Variants in AMMECR1 observed in about 807,000 individuals in gnomAD.
The protein encoded by AMMECR1 is nuclear protein AMMECR1.
AMMECR1 carries 3 observed loss-of-function variants against 22.5 expected under a neutral mutation model. That is an observed-to-expected ratio of 0.13 (90% confidence interval 0.06 to 0.35). The LOEUF (loss-of-function observed/expected upper bound fraction) is 0.35, where lower values mean the gene tolerates loss of function less well. Ranked by LOEUF, AMMECR1 falls within the 10% of genes least tolerant of loss-of-function variation. AMMECR1 has a pLI of 1.00. For missense variants in AMMECR1, 235 were observed against 278.7 expected (o/e 0.84, Z 1.12); for synonymous variants, 130 against 116.7 (o/e 1.11, Z -0.74).
intron 2 of AMMECR1, among the ~76,000 whole-genome samples, chrX:110,379,153 C>A (rs145045038): frequency 1.8e-5 from 2 of 111,670 alleles, no homozygotes; most frequent in Admixed American, 9.5e-5. Flanking sequence ...TTTCAGTGTA[C>A]CTTTCAATTG....
intron 2 of AMMECR1, among the ~76,000 whole-genome samples, chrX:110,343,580 A>G (rs997502125): frequency 9.0e-6 from 1 of 111,359 alleles, no homozygotes; most frequent in African/African-American, 3.3e-5. Flanking sequence ...ACATGACTGT[A>G]TATCTAGAAA....
intron 2 of AMMECR1, among the ~76,000 whole-genome samples, chrX:110,387,918 G>A (rs1247108766): frequency 9.7e-6 from 1 of 102,586 alleles, no homozygotes; most frequent in African/African-American, 3.6e-5. Flanking sequence ...CTGGAGTGCG[G>A]TGGTGCGATC....
intron 2 of AMMECR1, among the ~76,000 whole-genome samples, chrX:110,360,431 G>A (rs774700966): frequency 3.6e-5 from 4 of 111,689 alleles, no homozygotes; most frequent in African/African-American, 6.5e-5. Flanking sequence ...GTAGTCAAGA[G>A]GCTATTACCA....
intron 1 of AMMECR1, among the ~76,000 whole-genome samples, chrX:110,429,010 C>T (rs902177657): frequency 4.5e-5 from 5 of 111,702 alleles, no homozygotes; most frequent in South Asian, 3.8e-4. Context: ...ACTTTCTCCA[C>T]GGCTTTTGTC....
chrX:110,267,796 C>A (rs1408136578), intron 1 of AMMECR1, among the ~76,000 whole-genome samples: 1 of 112,201 alleles, frequency 8.9e-6, no homozygotes, highest in African/African-American at 3.2e-5. Flanking sequence ...ATAACCCTAT[C>A]TGCTCAAGTA....
rs190425131 is a variant in AMMECR1 at position 110,428,463 on chromosome X, C to T, written c.-293-1660G>A. Reference sequence around the variant, plus strand: ...TCAGTAGCCATAACCATCTGCAGAACGAATAACTGAATCAATGATGACCTT... The same window carrying T: ...TCAGTAGCCATAACCATCTGCAGAATGAATAACTGAATCAATGATGACCTT... On this transcript the variant is annotated intron_variant, in intron 1 of 7. Transcript: ENST00000372057. Among the ~76,000 whole-genome samples the T allele has an allele frequency of 1.1e-4, 12 of 111,877 alleles. No individual in the cohort carries two copies. In the East Asian group the frequency reaches 3.1e-3, roughly 29 times the overall value.
intron 2 of AMMECR1, among the ~76,000 whole-genome samples, chrX:110,401,436 CT>C (rs750171686): frequency 2.6e-4 from 29 of 111,893 alleles, no homozygotes; most frequent in Admixed American, 4.7e-4. Flanking sequence ...ACCTTGACCT[CT>C]GGTTTGTGTT....
At position 110,397,988 on chromosome X, in the gene AMMECR1, C is replaced by A. The variant is rs185094842; in HGVS notation, c.-148+28670G>T. ...GTGGAGCACGAACCCGCTTCCTTGACTACCTGCAAGTCTTAGCATCCAGAT... is the reference window on the plus strand; with the variant it reads ...GTGGAGCACGAACCCGCTTCCTTGAATACCTGCAAGTCTTAGCATCCAGAT... On this transcript the variant is annotated intron_variant, in intron 2 of 7. Coordinates refer to the AMMECR1 transcript ENST00000372057. Among the ~76,000 whole-genome samples the A allele has an allele frequency of 2.2e-4, 25 of 112,563 alleles. No individual in the cohort carries two copies. The East Asian group carries it at 6.4e-3, about 29-fold the overall frequency.
intron 1 of AMMECR1, among the ~76,000 whole-genome samples, chrX:110,294,993 G>T (rs1260238725): frequency 9.1e-6 from 1 of 109,487 alleles, no homozygotes; most frequent in African/African-American, 3.3e-5. Flanking sequence ...CTCATTAACA[G>T]ATAACTAAAT....
chrX:110,301,007 C>T (rs1031077718), intron 1 of AMMECR1, among the ~76,000 whole-genome samples: 6 of 111,660 alleles, frequency 5.4e-5, no homozygotes, highest in Non-Finnish European at 9.4e-5. Flanking sequence ...TGATTGCTTA[C>T]GTCCCTGAAT....
intron 2 of AMMECR1, among the ~76,000 whole-genome samples, chrX:110,225,878 G>A (rs983125788): frequency 6.3e-5 from 7 of 111,659 alleles, no homozygotes; most frequent in Admixed American, 2.8e-4. Context: ...CACTTTTCTC[G>A]GGATCCCTCA....
intron 1 of AMMECR1, among the ~76,000 whole-genome samples, chrX:110,275,950 T>C (rs2067824162): frequency 8.9e-6 from 1 of 111,972 alleles, no homozygotes; most frequent in African/African-American, 3.2e-5. Flanking sequence ...ATTTGGAAAA[T>C]TTCTAGCCAT....
chrX:110,216,609 G>T lies in AMMECR1; in HGVS notation c.608C>A (p.Pro203His), dbSNP rs1337964488. ...LTSALKDSRF[P>H]PMTRDELPRL... The stretch of plus-strand genomic sequence containing the variant: ...TGGCAGCTCATCCCTTGTCATTGGG[G>T]GAAAACGGCTATCTTTAAGGGCACT... The change falls in exon 3 of 6, where the codon CCC becomes CAC. Residue 203 changes from proline to histidine, a missense_variant. By Grantham distance (77) the Pro-to-His change is moderately conservative. Coordinates refer to ENST00000262844, the MANE Select transcript of AMMECR1 (RefSeq NM_015365.3). 1 of 1,201,856 alleles carries T rather than the reference G, an allele frequency of 8.3e-7. No homozygotes were observed. Among genetic ancestry groups the T allele is most frequent in the Non-Finnish European group, 1.1e-6 (1 of 888,923 alleles).
chrX:110,262,671 T>G (rs757678108), intron 2 of AMMECR1, among the ~76,000 whole-genome samples: 1 of 112,342 alleles, frequency 8.9e-6, no homozygotes, highest in Non-Finnish European at 1.9e-5. Flanking sequence ...GCTACCACAA[T>G]GACCACTACG....
At chrX:110,381,314 C>T (rs1442275104) in intron 2 of AMMECR1, among the ~76,000 whole-genome samples, 1 of 111,834 alleles carries the variant, frequency 8.9e-6, no homozygotes, top group Non-Finnish European at 1.9e-5. Context: ...GGCCAAAAGA[C>T]ATGAAAAAAT....
In AMMECR1 at chrX:110,287,404, G is replaced by A. The variant is rs144880170; in HGVS notation, c.474-22805C>T. Among the ~76,000 whole-genome samples the A allele has an allele frequency of 2.2e-3, 251 of 112,139 alleles. 1 individual carries two copies. The highest frequency in any genetic ancestry group is 3.8e-3 in the Non-Finnish European group (201 of 53,217). ...CCTGGAAAACACAGACCACCTTGTT[G>A]TAGTTGTAGGGAGGACATCTATTAG... is the stretch of plus-strand genomic sequence containing the variant. On this transcript the variant is annotated intron_variant, in intron 1 of 5. Coordinates refer to ENST00000262844, the MANE Select transcript of AMMECR1 (RefSeq NM_015365.3).
intron 2 of AMMECR1, among the ~76,000 whole-genome samples, chrX:110,396,759 T>G (rs1261232851): frequency 8.9e-6 from 1 of 112,131 alleles, no homozygotes; most frequent in Non-Finnish European, 1.9e-5. Flanking sequence ...TGTGGCTGGG[T>G]CTATACAGCC....
At chrX:110,210,327 A>C (rs1178996404) in intron 3 of AMMECR1, among the ~76,000 whole-genome samples, 1 of 111,114 alleles carries the variant, frequency 9.0e-6, no homozygotes, top group African/African-American at 3.3e-5. Flanking sequence ...TTATAAAAAA[A>C]CTCAACGTCC....
chrX:110,252,735 C>T (rs1298961587), intron 2 of AMMECR1, among the ~76,000 whole-genome samples: 2 of 112,222 alleles, frequency 1.8e-5, no homozygotes, highest in Non-Finnish European at 3.8e-5. Context: ...TTCTGAATGC[C>T]TACTATGTAC....
Sources: allele counts gnomAD v4.1 joint callset (sites outside exome capture counted in the v4.1 genomes callset), GRCh38; gene constraint gnomAD v4.1.1; transcripts MANE v1.5; gene names NCBI Gene and HGNC (gene_info 2026-07-23, HGNC 2026-07-21).